The following CARD8 variants were observed in gnomAD, a reference collection of about 807,000 sequenced individuals.
CARD8 encodes the protein caspase recruitment domain family member 8.
In CARD8, 38 loss-of-function variants were observed where a neutral mutation model predicts 53.2. The observed-to-expected ratio is 0.71, with a 90% CI of 0.55 to 0.94. The LOEUF (loss-of-function observed/expected upper bound fraction) is 0.94. Among genes scored for constraint, CARD8 ranks in the 40% least tolerant of loss-of-function variants. The probability of loss-of-function intolerance (pLI) is 0.00; values close to 1 mark genes in which losing one functional copy is unlikely to be tolerated. For synonymous variants in CARD8, 245 were observed against 244.9 expected (o/e 1.00, Z 0.00); for missense variants, 561 against 655.5 (o/e 0.86, Z 1.57).
In CARD8 at chr19:48,252,574, G is replaced by A. The variant is rs534341195; in HGVS notation, c.-251-2727C>T. 7.5e-4 allele frequency among the ~76,000 whole-genome samples: 113 copies of A among 150,676 alleles called. 1 individual carries two copies. Among genetic ancestry groups the A allele is most frequent in the Non-Finnish European group, 1.1e-3 (72 of 67,732 alleles). ...CAGTGGTGTGATCTCAGCTCACTGC[G>A]GCCCCCACCTCCTGGATTCAAGCAA... On this transcript the variant is annotated intron_variant, in intron 1 of 13. Transcript: ENST00000651546.
At chr19:48,206,056 CCTGG>C (rs1285459151), downstream of CARD8, among the ~76,000 whole-genome samples, 1 of 152,038 alleles carries the variant, frequency 6.6e-6, no homozygotes, top group Non-Finnish European at 1.5e-5. Flanking sequence ...CGCCACCATG[CCTGG>C]CTAATTTTTG....
At chr19:48,206,328 G>A (rs1255332484), downstream of CARD8, 1 of 407,360 alleles carries the variant, frequency 2.5e-6, no homozygotes, top group African/African-American at 2.1e-5. Flanking sequence ...CCACATGTGG[G>A]TGCATTACAT....
intron 3 of CARD8, among the ~76,000 whole-genome samples, chr19:48,241,610 T>C (rs2045119138): frequency 6.6e-6 from 1 of 152,184 alleles, no homozygotes; most frequent in African/African-American, 2.4e-5. Context: ...AGTTAAGTTA[T>C]GCAGAACAGG....
intron 12 of CARD8, among the ~76,000 whole-genome samples, chr19:48,217,029 G>C (rs1187649433): frequency 6.6e-6 from 1 of 152,084 alleles, no homozygotes; most frequent in African/African-American, 2.4e-5. Context: ...ATTCTCCTAA[G>C]GAGCATGCAC....
intron 5 of CARD8, among the ~76,000 whole-genome samples, chr19:48,237,447 A>G (rs2044104670): frequency 6.6e-6 from 1 of 151,942 alleles, no homozygotes; most frequent in African/African-American, 2.4e-5. Context: ...ACTCCATCAC[A>G]TTTCAGCATG....
chr19:48,243,238 C>T (rs1210413861), intron 3 of CARD8, among the ~76,000 whole-genome samples: 6 of 152,168 alleles, frequency 3.9e-5, no homozygotes, highest in Admixed American at 1.3e-4. Context: ...TGGTCTCGAT[C>T]TCCTGACCTG....
intron 10 of CARD8, chr19:48,223,788 T>C (rs1600249832): frequency 6.6e-6 from 3 of 454,634 alleles, no homozygotes; most frequent in African/African-American, 2.0e-5. Context: ...ATTTTTCCTA[T>C]AGCATTCCAT....
intron 4 of CARD8, 115 bp downstream of exon 4, chr19:48,240,847 T>C: frequency 1.2e-6 from 1 of 852,896 alleles, no homozygotes. Flanking sequence ...ATGAATAAAA[T>C]GTGAGCAGAA....
At chr19:48,206,749 C>T (rs1305168578), downstream of CARD8, among the ~76,000 whole-genome samples, 3 of 152,114 alleles carry the variant, frequency 2.0e-5, 1 homozygote, top group Non-Finnish European at 4.4e-5. Flanking sequence ...TCTGTGCTTT[C>T]GTTACTCCGC....
At chr19:48,231,081 G>T in intron 8 of CARD8, 75 bp from the exon 9 acceptor site, 2 of 1,265,248 alleles carry the variant, frequency 1.6e-6, no homozygotes, top group Non-Finnish European at 2.3e-6. Flanking sequence ...GCAGAGGGAG[G>T]TGGGATTTGA....
At chr19:48,236,977 T>C (rs1021585788) in intron 5 of CARD8, among the ~76,000 whole-genome samples, 2 of 152,010 alleles carry the variant, frequency 1.3e-5, no homozygotes, top group African/African-American at 2.4e-5. Flanking sequence ...GGTTCCTCCA[T>C]GTTGGTCAGG....
At chr19:48,240,653 C>T (rs145114471) in intron 4 of CARD8, among the ~76,000 whole-genome samples, 2 of 152,174 alleles carry the variant, frequency 1.3e-5, no homozygotes, top group Non-Finnish European at 2.9e-5. Flanking sequence ...CCTGTAATCC[C>T]AGCTACTTGG....
intron 3 of CARD8, among the ~76,000 whole-genome samples, chr19:48,242,126 T>G (rs1298228862): frequency 6.6e-6 from 1 of 152,154 alleles, no homozygotes; most frequent in East Asian, 1.9e-4. Flanking sequence ...AGTTCATGTG[T>G]TGAAATCCTA....
In CARD8 at chr19:48,238,455, T is replaced by C. The variant is rs1194091446; in HGVS notation, c.137A>G (p.Asn46Ser). The C allele has an allele frequency of 1.0e-5, 16 of 1,536,160 alleles. No homozygotes were observed. The South Asian group carries it at 1.4e-4, about 14-fold the overall frequency. Residue 46 changes from asparagine (N) to serine (S), a missense_variant, in exon 5 of 14, where the codon AAT (asparagine) becomes AGT (serine). By Grantham distance (46) the Asn-to-Ser change is conservative. Coordinates refer to ENST00000651546, the MANE Select transcript of CARD8 (RefSeq NM_001184900.3). ...TGTGTATTGCAGTTCCCGTATGCTA[T>C]TGTCAACCAACAGTTTCCGTGATCC... ...LQGSRKLLVDNSIRELQYTKT... is the reference protein window; with the variant it reads ...LQGSRKLLVDSSIRELQYTKT...
Position 48,218,891 on chromosome 19 carries a change from C to T in CARD8, c.1283G>A (p.Trp428Ter). ...ITEKRHGTLV[W>*]DTEVKPVDLQ... is the part of the protein sequence containing the mutation. ...CCTACCTGGCTTCACCTCAGTATCC[C>T]ACACCAAAGTCCCATGTCTTTTTTC... Residue 428 changes from tryptophan to a stop codon, truncating the protein, a stop_gained, in exon 12 of 14, where the codon TGG becomes TAG. Transcript: ENST00000651546. LOFTEE classifies it high-confidence loss of function. 1 of 1,614,178 alleles carries T rather than the reference C, an allele frequency of 6.2e-7. No homozygotes were observed. The highest frequency in any genetic ancestry group is 1.1e-5 in the South Asian group (1 of 91,080).
rs2040680443 is a variant in CARD8, at chr19:48,221,774, T to C, written c.1117A>G (p.Ser373Gly). 1 of 1,608,932 alleles carries C rather than the reference T, an allele frequency of 6.2e-7. No homozygotes were observed. The highest frequency in any genetic ancestry group is 2.2e-5 in the East Asian group (1 of 44,836). ...TTAGCAGAATTAGACACAATATAAC[T>C]GGAACCAAAGTTCAGGGGTTCCATT... ...PPMEPLNFGSSYIVSNSANLK... is the reference protein window; with the variant it reads ...PPMEPLNFGSGYIVSNSANLK... Residue 373 changes from serine to glycine, a missense_variant, in exon 11 of 14, where the codon AGT becomes GGT. By Grantham distance (56) the Ser-to-Gly change is moderately conservative. Coordinates refer to ENST00000651546, the MANE Select transcript of CARD8 (RefSeq NM_001184900.3).
rs2037786604 is a variant in CARD8, at chr19:48,210,410, A to G, written c.*1300T>C. On this transcript the variant is annotated 3_prime_UTR_variant, in exon 14 of 14. Coordinates refer to ENST00000651546, the MANE Select transcript of CARD8 (RefSeq NM_001184900.3). Reference sequence around the variant, plus strand: ...TGGAAAATAATGAAGGAAGAGCAACAGAAATGGTAAATATCTGGAAAAACA... The same window carrying G: ...TGGAAAATAATGAAGGAAGAGCAACGGAAATGGTAAATATCTGGAAAAACA... 6.6e-6 allele frequency: 1 copy of G among 152,200 alleles called. No homozygotes were observed. The highest frequency in any genetic ancestry group is 1.9e-4 in the East Asian group (1 of 5,202). The allele number at this position is 152,200 out of a possible 1,614,324, so 9.4% of individuals were successfully genotyped here.
chr19:48,253,623 G>A (rs868539514), intron 1 of CARD8, among the ~76,000 whole-genome samples: 18 of 152,116 alleles, frequency 1.2e-4, no homozygotes, highest in African/African-American at 3.9e-4. Context: ...GACTATCTGT[G>A]TAAAAATGTA....
At chr19:48,230,414 G>T in intron 10 of CARD8, 24 bp downstream of exon 10, 1 of 1,575,232 alleles carries the variant, frequency 6.3e-7, no homozygotes, top group Middle Eastern at 1.7e-4. Flanking sequence ...CATCTTCTCT[G>T]GTCTCCTAAA....
Sources: gnomAD v4.1 joint callset for allele counts (sites outside exome capture counted in the v4.1 genomes callset) on GRCh38, gnomAD v4.1.1 for gene constraint, MANE v1.5 for transcripts, NCBI Gene and HGNC (gene_info 2026-07-23, HGNC 2026-07-21) for gene names.